The following ABCB11 variants were observed in gnomAD, a reference collection of about 807,000 sequenced individuals.
The protein encoded by ABCB11 is bile salt export pump.
ABCB11 carries 95 observed loss-of-function variants against 148.0 expected under a neutral mutation model. The ratio of observed to expected loss-of-function variants is 0.64; its 90% CI spans 0.54 to 0.76. ABCB11 has a LOEUF of 0.76. ABCB11 is among the 30% of genes least tolerant of loss of function. The pLI, the probability that ABCB11 is intolerant of heterozygous loss-of-function variation, is 0.00. For missense variants in ABCB11, 1,523 were observed against 1,617.8 expected, an observed-to-expected ratio of 0.94 and a Z score of 1.01; for synonymous variants, 591 against 555.4, an observed-to-expected ratio of 1.06 and a Z score of -0.90.
chr2:168,951,352 C>T (rs1692560148), intron 19 of ABCB11, among the ~76,000 whole-genome samples: 1 of 151,604 alleles, frequency 6.6e-6, no homozygotes. Flanking sequence ...GAAGTATGGT[C>T]ATTTTAATGT....
chr2:168,929,963 T>A (rs573349465), intron 25 of ABCB11, among the ~76,000 whole-genome samples: 36 of 152,200 alleles, frequency 2.4e-4, no homozygotes, highest in African/African-American at 7.9e-4. Context: ...CATCAAGTGG[T>A]CAAAAATAGT....
downstream of ABCB11, among the ~76,000 whole-genome samples, chr2:168,920,722 A>C (rs543536592): frequency 2.0e-5 from 3 of 152,340 alleles, no homozygotes; most frequent in South Asian, 6.2e-4. Context: ...GCAGAGACCA[A>C]ATCTTTGTCA....
chr2:169,013,206 T>A (rs1304209866), intron 5 of ABCB11, 66 bp downstream of exon 5: 14 of 1,255,640 alleles, frequency 1.1e-5, no homozygotes, highest in Non-Finnish European at 1.2e-5. Flanking sequence ...ATCCCCTCTA[T>A]ACATTTTGAA....
At chr2:169,029,273 CT>C (rs4148769) in intron 1 of ABCB11, among the ~76,000 whole-genome samples, 81,647 of 146,952 alleles carry the variant, frequency 0.56, 22,683 homozygotes, top group Non-Finnish European at 0.58. Flanking sequence ...TCTTTTCTTT[CT>C]TTTTTTTTTT....
downstream of ABCB11, among the ~76,000 whole-genome samples, chr2:168,917,594 C>T (rs1485803357): frequency 6.6e-6 from 1 of 152,164 alleles, no homozygotes; most frequent in Admixed American, 6.5e-5. Context: ...GCCAGTGTAG[C>T]TCTATGACTT....
chr2:168,933,133 ATTGT>A (rs1691657410), intron 23 of ABCB11, among the ~76,000 whole-genome samples: 1 of 151,836 alleles, frequency 6.6e-6, no homozygotes, highest in Non-Finnish European at 1.5e-5. Context: ...AGAAAAGAAA[ATTGT>A]TTGAGGGGGA....
chr2:168,981,851 G>T (rs1164426006), intron 10 of ABCB11, among the ~76,000 whole-genome samples: 1 of 152,172 alleles, frequency 6.6e-6, no homozygotes, highest in African/African-American at 2.4e-5. Flanking sequence ...AAGTGACTGT[G>T]GCTCTGTCCC....
chr2:168,921,607 C>G lies in ABCB11; in HGVS notation c.*2015G>C, dbSNP rs565728787. Among the ~76,000 whole-genome samples, 1 of 152,060 alleles carries G rather than the reference C, an allele frequency of 6.6e-6. No individual in the cohort carries two copies. Among genetic ancestry groups the G allele is most frequent in the Non-Finnish European group, 1.5e-5 (1 of 68,016 alleles). On this transcript the variant is annotated 3_prime_UTR_variant, in exon 28 of 28. Transcript: ENST00000650372. ...AGTGTTTTTCTAATCACTGCATTGG[C>G]TCTGTTACTTCTAATTTCCTTTCTC...
intron 1 of ABCB11, among the ~76,000 whole-genome samples, chr2:169,028,080 C>T (rs954696636): frequency 1.3e-5 from 2 of 151,916 alleles, no homozygotes; most frequent in African/African-American, 4.8e-5. Flanking sequence ...AATGTATGGC[C>T]CTTTCTCTCT....
intron 12 of ABCB11, 58 bp downstream of exon 12, chr2:168,976,519 C>G (rs1371259166): frequency 2.9e-6 from 3 of 1,044,980 alleles, no homozygotes; most frequent in African/African-American, 1.6e-5. Flanking sequence ...TGTGGTTATG[C>G]AAATAAATCA....
intron 5 of ABCB11, among the ~76,000 whole-genome samples, chr2:168,997,671 C>T (rs1365880776): frequency 2.6e-5 from 4 of 151,962 alleles, no homozygotes; most frequent in Non-Finnish European, 5.9e-5. Flanking sequence ...ATCCTTTCCG[C>T]TCTCTGTCAG....
chr2:169,016,863 A>G, intron 2 of ABCB11, 64 bp from the exon 3 acceptor site: 2 of 1,277,926 alleles, frequency 1.6e-6, no homozygotes, highest in Non-Finnish European at 1.1e-6. Context: ...CAACGCAGTC[A>G]TTAAGAAATT....
intron 13 of ABCB11, 149 bp from the exon 14 acceptor site, chr2:168,972,199 A>G (rs958472397): frequency 7.5e-6 from 5 of 664,788 alleles, no homozygotes; most frequent in African/African-American, 5.5e-5. Context: ...GGTTCTTTAT[A>G]TAAGGATGAT....
At chr2:168,924,575 A>G in intron 27 of ABCB11, 82 bp downstream of exon 27, 1 of 1,409,212 alleles carries the variant, frequency 7.1e-7, no homozygotes, top group Non-Finnish European at 9.7e-7. Flanking sequence ...AAAATTGAAA[A>G]TAGTGCCATT....
intron 2 of ABCB11, among the ~76,000 whole-genome samples, 182 bp from the exon 3 acceptor site, chr2:169,016,981 C>CAA (rs1247682402): frequency 1.2e-5 from 1 of 85,870 alleles, no homozygotes; most frequent in Non-Finnish European, 2.4e-5. Flanking sequence ...TATCTTTCTA[C>CAA]ACACACACAC....
rs1312537926 is a variant in ABCB11, at chr2:169,018,063, C to G, written c.63G>C (p.Glu21Asp). 1.9e-6 allele frequency: 3 copies of G among 1,613,306 alleles called. No individual in the cohort carries two copies. Among genetic ancestry groups the G allele is most frequent in the Non-Finnish European group, 2.5e-6 (3 of 1,179,508 alleles). ...AAAGCCACTCACATGATTTATCTGA[C>G]TCAAAACCATCATTCTCCTCTCCAA... ...KKFGEENDGF[E>D]SDKSYNNDKK... Residue 21 changes from glutamate (E) to aspartate (D), a missense_variant, in exon 2 of 28, where the codon GAG becomes GAC. By Grantham distance (45) the Glu-to-Asp change is conservative (BLOSUM62 2). Coordinates refer to ENST00000650372, the MANE Select transcript of ABCB11 (RefSeq NM_003742.4).
At chr2:169,002,232 C>T (rs1346272345) in intron 5 of ABCB11, among the ~76,000 whole-genome samples, 2 of 151,898 alleles carry the variant, frequency 1.3e-5, no homozygotes, top group Non-Finnish European at 1.5e-5. Context: ...GAGATATATG[C>T]ACCTAAAAAA....
intron 11 of ABCB11, among the ~76,000 whole-genome samples, 188 bp downstream of exon 11, chr2:168,979,672 CAAAAAA>C (rs55859131): frequency 2.0e-5 from 2 of 100,146 alleles, no homozygotes; most frequent in Non-Finnish European, 3.9e-5. Flanking sequence ...AACTCCATCT[CAAAAAA>C]AAAAAAAAAA....
chr2:169,008,584 C>T (rs1333926498), intron 5 of ABCB11, among the ~76,000 whole-genome samples: 2 of 152,102 alleles, frequency 1.3e-5, no homozygotes, highest in Non-Finnish European at 2.9e-5. Context: ...GGGATAAGGA[C>T]CTGGATATCT....
Sources: gnomAD v4.1 joint callset for allele counts (sites outside exome capture counted in the v4.1 genomes callset) on GRCh38, gnomAD v4.1.1 for gene constraint, MANE v1.5 for transcripts, NCBI Gene and HGNC (gene_info 2026-07-23, HGNC 2026-07-21) for gene names.